Variants in PRKN observed in about 807,000 individuals in gnomAD.
PRKN encodes the protein E3 ubiquitin-protein ligase parkin.
PRKN carries 56 observed loss-of-function variants against 59.5 expected under a neutral mutation model. The observed-to-expected ratio is 0.94, with a 90% CI of 0.76 to 1.18. The LOEUF is 1.18. Among genes scored for constraint, PRKN ranks in the 50% most tolerant of loss-of-function variants. PRKN has a pLI of 0.00. For missense variants in PRKN, 657 were observed against 596.4 expected, an observed-to-expected ratio of 1.10 and a Z score of -1.06; for synonymous variants, 250 against 222.1, an observed-to-expected ratio of 1.13 and a Z score of -1.12.
At chr6:162,353,043 A>G (rs1253735179) in intron 2 of PRKN, among the ~76,000 whole-genome samples, 1 of 152,166 alleles carries the variant, frequency 6.6e-6, no homozygotes, top group Non-Finnish European at 1.5e-5. Flanking sequence ...CTTTACTAGT[A>G]TGTTGAATGA....
At position 161,463,079 on chromosome 6, in the gene PRKN, T is replaced by C. The variant is rs1304379293; in HGVS notation, c.1084-76202A>G. Among the ~76,000 whole-genome samples the C allele has an allele frequency of 6.6e-6, 1 of 152,174 alleles. No individual in the cohort carries two copies. The highest frequency in any genetic ancestry group is 2.4e-5 in the African/African-American group (1 of 41,432). On this transcript the variant is annotated intron_variant, in intron 9 of 11. Coordinates refer to ENST00000366898, the MANE Select transcript of PRKN (RefSeq NM_004562.3). The surrounding 1 kb of genome is among the most constrained non-coding windows in gnomAD (Gnocchi z 4.8). ...AGAGAAAAAACTACCTAATGAGAAT[T>C]ATGGGTGACTGAGCACCAAGGGGTT...
intron 1 of PRKN, among the ~76,000 whole-genome samples, chr6:162,500,794 T>C (rs947911121): frequency 6.6e-6 from 1 of 152,214 alleles, no homozygotes; most frequent in African/African-American, 2.4e-5. Context: ...GGGCCTTAAA[T>C]GTACCTCAAA....
In PRKN at chr6:161,428,718, AT is replaced by A. The variant is rs890253947; in HGVS notation, c.1084-41842del. Among the ~76,000 whole-genome samples the A allele has an allele frequency of 5.3e-5, 8 of 151,904 alleles. No homozygotes were observed. The highest frequency in any genetic ancestry group is 2.6e-4 in the Admixed American group (4 of 15,248). On this transcript the variant is annotated intron_variant, in intron 9 of 11. Transcript: ENST00000366898. This position sits in a 1 kb window ranked among gnomAD's most constrained non-coding sequence, Gnocchi z 4.0. ...TCACAACCAAAAAAAGCACATTCAC[AT>A]TTTTTTTCTTTCATTTTTCTGCCTG...
intron 9 of PRKN, among the ~76,000 whole-genome samples, chr6:161,424,336 C>CAAAAA (rs56268660): frequency 9.2e-6 from 1 of 109,210 alleles, no homozygotes. Context: ...GATTCTGTCT[C>CAAAAA]AAAAAAAAAA....
intron 9 of PRKN, among the ~76,000 whole-genome samples, chr6:161,452,065 C>T (rs959964285): frequency 6.6e-6 from 1 of 151,896 alleles, no homozygotes; most frequent in Non-Finnish European, 1.5e-5. Flanking sequence ...AAGCGATTCT[C>T]CTTCCTCAGC....
intron 6 of PRKN, among the ~76,000 whole-genome samples, chr6:161,814,038 T>A (rs1334185742): frequency 6.6e-6 from 1 of 152,182 alleles, no homozygotes; most frequent in East Asian, 1.9e-4. Flanking sequence ...GATCCTTTTA[T>A]CTTATGCTCA....
At chr6:161,997,191 A>G (rs959190104) in intron 5 of PRKN, among the ~76,000 whole-genome samples, 1 of 152,144 alleles carries the variant, frequency 6.6e-6, no homozygotes, top group African/African-American at 2.4e-5. Context: ...TTCCTTATAT[A>G]CATAGATCTG....
At chr6:161,720,321 A>T (rs1422765186) in intron 7 of PRKN, among the ~76,000 whole-genome samples, 3 of 152,146 alleles carry the variant, frequency 2.0e-5, no homozygotes, top group Non-Finnish European at 4.4e-5. Flanking sequence ...ACAGGTAACT[A>T]CTATCTCCCT....
At position 161,946,414 on chromosome 6, in the gene PRKN, A is replaced by ACACACACACACACACACACACTCT. The variant is rs1247187053; in HGVS notation, c.734+26887_734+26888insAGAGTGTGTGTGTGTGTGTGTGTG. The stretch of plus-strand genomic sequence containing the variant: ...CACACACACACACACACACACACAC[A>ACACACACACACACACACACACTCT]CTCTCTCTCTCTCTCTCTCTCTCTC... On this transcript the variant is annotated intron_variant, in intron 6 of 11. Coordinates refer to ENST00000366898, the MANE Select transcript of PRKN (RefSeq NM_004562.3). Among the ~76,000 whole-genome samples the ACACACACACACACACACACACTCT allele has an allele frequency of 2.9e-3, 335 of 114,394 alleles. 1 individual carries two copies. The highest frequency in any genetic ancestry group is 4.8e-3 in the Non-Finnish European group (276 of 57,808). The allele number at this position is 114,394 out of a possible 152,430, so 75.0% of individuals were successfully genotyped here. A position where few individuals can be genotyped will look rare whatever the true frequency, so the allele number is the denominator to read the frequency against.
At chr6:162,037,421 G>A (rs749042657) in intron 5 of PRKN, among the ~76,000 whole-genome samples, 7 of 152,092 alleles carry the variant, frequency 4.6e-5, no homozygotes, top group Non-Finnish European at 8.8e-5. Flanking sequence ...ATGTGTATGT[G>A]TCCGTGTGTT....
chr6:161,733,340 T>C (rs1044482037), intron 7 of PRKN, among the ~76,000 whole-genome samples: 1 of 152,176 alleles, frequency 6.6e-6, no homozygotes, highest in Non-Finnish European at 1.5e-5. Flanking sequence ...TAATTTAATT[T>C]TTTATTGTTA....
At chr6:161,612,487 G>A (rs1052636252) in intron 7 of PRKN, among the ~76,000 whole-genome samples, 1 of 152,106 alleles carries the variant, frequency 6.6e-6, no homozygotes, top group African/African-American at 2.4e-5. Context: ...TTGGGAGGCC[G>A]AAGCAGGTGG....
At chr6:162,227,585 T>C (rs1380544956) in intron 3 of PRKN, among the ~76,000 whole-genome samples, 1 of 152,174 alleles carries the variant, frequency 6.6e-6, no homozygotes, top group African/African-American at 2.4e-5. Context: ...AATTATGGTG[T>C]TGATTTTCAC....
chr6:162,297,634 C>T (rs1214297129), intron 2 of PRKN, among the ~76,000 whole-genome samples: 1 of 151,970 alleles, frequency 6.6e-6, no homozygotes, highest in African/African-American at 2.4e-5. Flanking sequence ...CACATTTAAT[C>T]TATAGTGGTT....
rs573059101 is a variant in PRKN, at chr6:162,389,058, T to C, written c.171+54252A>G. On this transcript the variant is annotated intron_variant, in intron 2 of 11. Transcript: ENST00000366898. ...CCTGACCCTCAATTCTTAGACATTT[T>C]ATGTAAATGAGGAGAAAGTAAGGTG... Among the ~76,000 whole-genome samples, 4 of 151,534 alleles carry C rather than the reference T, an allele frequency of 2.6e-5. No homozygotes were observed. The East Asian group carries it at 5.9e-4, about 22-fold the overall frequency.
intron 1 of PRKN, among the ~76,000 whole-genome samples, chr6:162,629,969 T>G (rs1423781501): frequency 6.6e-6 from 1 of 152,174 alleles, no homozygotes; most frequent in Non-Finnish European, 1.5e-5. Context: ...TACTTCTTTA[T>G]CCAATTGGAT....
At chr6:161,788,496 C>T (rs1032071897) in intron 6 of PRKN, among the ~76,000 whole-genome samples, 1 of 152,172 alleles carries the variant, frequency 6.6e-6, no homozygotes, top group Non-Finnish European at 1.5e-5. Flanking sequence ...TGAAGTGTAT[C>T]TTCCTAGGGA....
intron 2 of PRKN, among the ~76,000 whole-genome samples, chr6:162,267,993 A>G (rs1333242828): frequency 6.6e-6 from 1 of 152,240 alleles, no homozygotes; most frequent in African/African-American, 2.4e-5. Flanking sequence ...AAAATGATTA[A>G]TAATGAGATT....
At chr6:162,389,020 A>AAC (rs1554312395) in intron 2 of PRKN, among the ~76,000 whole-genome samples, 7 of 151,446 alleles carry the variant, frequency 4.6e-5, no homozygotes, top group African/African-American at 9.7e-5. Context: ...AAAAAAAAAA[A>AAC]AAAACAAAAA....
Sources: gnomAD v4.1 joint callset for allele counts (sites outside exome capture counted in the v4.1 genomes callset) on GRCh38, gnomAD v4.1.1 for gene constraint, Gnocchi (gnomAD v3.1) non-coding constraint, MANE v1.5 for transcripts, NCBI Gene and HGNC (gene_info 2026-07-23, HGNC 2026-07-21) for gene names.